TNKS: variants seen among roughly 807,000 people sequenced by gnomAD.
The protein encoded by TNKS is tankyrase, also known as poly [ADP-ribose] polymerase tankyrase-1.
In TNKS, 72 loss-of-function variants were observed where a neutral mutation model predicts 135.8. The ratio of observed to expected loss-of-function variants is 0.53; its 90% confidence interval spans 0.44 to 0.64. TNKS has a LOEUF of 0.64. TNKS is among the 30% of genes least tolerant of loss of function. The probability of loss-of-function intolerance (pLI) is 0.00; values close to 1 mark genes in which losing one functional copy is unlikely to be tolerated. For missense variants in TNKS, 1,769 were observed against 1,674.0 expected (o/e 1.06, Z -0.99); for synonymous variants, 849 against 649.3 (o/e 1.31, Z -4.68).
In TNKS at chr8:9,724,309, C is replaced by T. The variant is rs558568103; in HGVS notation, c.1922-2332C>T. Among the ~76,000 whole-genome samples, 15 of 152,012 alleles carry T rather than the reference C, an allele frequency of 9.9e-5. No homozygotes were observed. The East Asian group carries it at 2.1e-3, about 22-fold the overall frequency. On this transcript the variant is annotated intron_variant, in intron 12 of 26. Coordinates refer to ENST00000310430, the MANE Select transcript of TNKS (RefSeq NM_003747.3). ...TACTTAAAAATTTTTAAAAATTAGC[C>T]GGGTATGGTGGTGCATGCCTATGGT...
rs1563230739 is a variant in TNKS, at chr8:9,776,746, G to GC, written c.*11dup. The GC allele has an allele frequency of 1.2e-6, 2 of 1,612,722 alleles. No homozygotes were observed. ...AGAGCAGAAGACCTAGTGAATGCCT[G>GC]CTGGTGAAGGCCAGATCAGATTTCA... On this transcript the variant is annotated 3_prime_UTR_variant, in exon 27 of 27. Coordinates refer to ENST00000310430, the MANE Select transcript of TNKS (RefSeq NM_003747.3).
chr8:9,735,110 C>T (rs1207042702), intron 16 of TNKS, 26 bp downstream of exon 16: 1 of 1,599,106 alleles, frequency 6.3e-7, no homozygotes, highest in East Asian at 2.2e-5. Context: ...GCCTCCAAGC[C>T]TCCTTTTCCT....
At chr8:9,736,246 A>C (rs1302365060) in intron 17 of TNKS, among the ~76,000 whole-genome samples, 3 of 151,200 alleles carry the variant, frequency 2.0e-5, no homozygotes, top group African/African-American at 7.3e-5. Flanking sequence ...TAGCAGGCAC[A>C]GTGGCATGCG....
rs1178113318 is a variant in TNKS, at chr8:9,781,111, A to T, written c.*4375A>T. ...ATATGGTCGTAGTATGACGAGTTTT[A>T]TACATTGCCAGAGAGTTCTGCCTCC... is the stretch of plus-strand genomic sequence containing the variant. On this transcript the variant is annotated 3_prime_UTR_variant, in exon 27 of 27. Coordinates refer to ENST00000310430, the MANE Select transcript of TNKS (RefSeq NM_003747.3). The T allele has an allele frequency of 6.6e-6, 1 of 152,238 alleles. No homozygotes were observed. Among genetic ancestry groups the T allele is most frequent in the Non-Finnish European group, 1.5e-5 (1 of 68,046 alleles). 9.4% of individuals were successfully genotyped at this position (152,238 alleles called of 1,614,324 possible).
chr8:9,573,418 C>T (rs144508958), intron 1 of TNKS, among the ~76,000 whole-genome samples: 83 of 152,316 alleles, frequency 5.4e-4, no homozygotes, highest in African/African-American at 1.8e-3. Context: ...ACAGTTTGAA[C>T]ATTTGGCTGC....
chr8:9,726,435 G>A (rs1462141653), intron 12 of TNKS, among the ~76,000 whole-genome samples: 2 of 152,126 alleles, frequency 1.3e-5, no homozygotes, highest in African/African-American at 4.8e-5. Flanking sequence ...TAAACATTAA[G>A]TACTGAAAGT....
intron 2 of TNKS, among the ~76,000 whole-genome samples, chr8:9,594,778 C>G (rs1159011111): frequency 6.6e-6 from 1 of 152,038 alleles, no homozygotes; most frequent in African/African-American, 2.4e-5. Context: ...TAAAGAATAT[C>G]CTTTTCATTA....
At position 9,730,976 on chromosome 8, in the gene TNKS, C is replaced by G. The variant is rs376984415; in HGVS notation, c.2088C>G (p.Arg696=). 6.8e-6 allele frequency: 11 copies of G among 1,613,994 alleles called. No homozygotes were observed. The highest frequency in any genetic ancestry group is 7.6e-6 in the Non-Finnish European group (9 of 1,179,928). ...TACACTTCGCAGCAGGCTACAACCG[C>G]GTGTCTGTTGTAGAGTACCTGCTAC... The part of the protein sequence containing the change: ...TPLHFAAGYN[R]VSVVEYLLHH... The change falls in exon 14 of 27, where the codon CGC becomes CGG. Residue 696 remains arginine, a synonymous_variant. Transcript: ENST00000310430.
chr8:9,599,469 A>G (rs1377803368), intron 2 of TNKS, among the ~76,000 whole-genome samples: 1 of 152,204 alleles, frequency 6.6e-6, no homozygotes, highest in Non-Finnish European at 1.5e-5. Context: ...AAGGTCAGAC[A>G]GTTACTAAGG....
intron 3 of TNKS, among the ~76,000 whole-genome samples, chr8:9,659,023 A>G (rs1466405353): frequency 6.6e-6 from 1 of 152,256 alleles, no homozygotes; most frequent in Non-Finnish European, 1.5e-5. Flanking sequence ...TCAATTCCAC[A>G]AGAAGAACTA....
At chr8:9,716,101 A>G (rs1804587656) in intron 11 of TNKS, among the ~76,000 whole-genome samples, 1 of 152,188 alleles carries the variant, frequency 6.6e-6, no homozygotes, top group African/African-American at 2.4e-5. Context: ...AATTTTTTTG[A>G]CAGTTCATAT....
Position 9,641,769 on chromosome 8 carries a change from G to A in TNKS, c.994+26092G>A, listed in dbSNP as rs532733996. ...CCAGTTATGATGATATATTATGTGC[G>A]TTTTGTAAAAGAATTTCTGGAATTA... On this transcript the variant is annotated intron_variant, in intron 3 of 26. Coordinates refer to ENST00000310430, the MANE Select transcript of TNKS (RefSeq NM_003747.3). 8.1e-4 allele frequency among the ~76,000 whole-genome samples: 118 copies of A among 145,272 alleles called. 12 individuals are homozygous for A. Among genetic ancestry groups the A allele is most frequent in the Admixed American group, 1.3e-3 (18 of 13,758 alleles).
rs1808432013 is a variant in TNKS at position 9,780,872 on chromosome 8, C to G, written c.*4136C>G. The G allele has an allele frequency of 6.6e-6, 1 of 152,184 alleles. No homozygotes were observed. The allele number at this position is 152,184 out of a possible 1,614,324, so 9.4% of individuals were successfully genotyped here. ...TTTCAATTTCTCCATATTGGAACTT[C>G]CTCAGCTACCAGATTTCTGGTTTGG... On this transcript the variant is annotated 3_prime_UTR_variant, in exon 27 of 27. Transcript: ENST00000310430.
chr8:9,649,373 T>A (rs1801047561), intron 3 of TNKS, among the ~76,000 whole-genome samples: 1 of 152,212 alleles, frequency 6.6e-6, no homozygotes, highest in African/African-American at 2.4e-5. Flanking sequence ...AGTTTTCACG[T>A]TTTTAAAGAT....
At chr8:9,641,332 C>G (rs924450208) in intron 3 of TNKS, among the ~76,000 whole-genome samples, 1 of 138,028 alleles carries the variant, frequency 7.2e-6, no homozygotes, top group Non-Finnish European at 1.5e-5. Flanking sequence ...GATAGTTGTT[C>G]AGTATATAAG....
intron 13 of TNKS, among the ~76,000 whole-genome samples, chr8:9,729,228 ACCT>A (rs1389103164): frequency 6.6e-6 from 1 of 152,130 alleles, no homozygotes; most frequent in Non-Finnish European, 1.5e-5. Context: ...TGACCCAGTC[ACCT>A]CCTTAACACT....
intron 17 of TNKS, among the ~76,000 whole-genome samples, chr8:9,745,491 G>A (rs188996205): frequency 5.0e-4 from 76 of 152,096 alleles, no homozygotes; most frequent in African/African-American, 7.5e-4. Flanking sequence ...TGCAATCTCC[G>A]TCTCCCAGAT....
chr8:9,726,729 G>T lies in TNKS; in HGVS notation c.2001+9G>T. On this transcript the variant is annotated intron_variant, in intron 13 of 26. Transcript: ENST00000310430. ...ACTTGGAAACTGTGAAGGTAAGTCAGTGCCCTTAATATCTGGAATAGCACT... is the reference window on the plus strand; with the variant it reads ...ACTTGGAAACTGTGAAGGTAAGTCATTGCCCTTAATATCTGGAATAGCACT... The T allele has an allele frequency of 6.2e-7, 1 of 1,608,224 alleles. No individual in the cohort carries two copies.
At position 9,704,689 on chromosome 8, in the gene TNKS, C is replaced by T. The variant is rs1803966821; in HGVS notation, c.1134C>T (p.Gly378=). The change falls in exon 6 of 27, where the codon GGC becomes GGT. Residue 378 remains glycine, a synonymous_variant. Coordinates refer to ENST00000310430, the MANE Select transcript of TNKS (RefSeq NM_003747.3). ...RKSTPLHLAA[G]YNRVRIVQLL... ...CGACTCCTTTACATCTAGCAGCGGG[C>T]TACAACAGAGTTCGAATAGTTCAGC... 1 of 1,613,378 alleles carries T rather than the reference C, an allele frequency of 6.2e-7. No individual in the cohort carries two copies. The highest frequency in any genetic ancestry group is 1.7e-4 in the Middle Eastern group (1 of 6,056).
Sources: gnomAD v4.1 joint callset for allele counts (sites outside exome capture counted in the v4.1 genomes callset) on GRCh38, gnomAD v4.1.1 for gene constraint, MANE v1.5 for transcripts, NCBI Gene and HGNC (gene_info 2026-07-23, HGNC 2026-07-21) for gene names.